MMP17: variants seen among roughly 807,000 people sequenced by gnomAD.
MMP17 encodes the protein matrix metallopeptidase 17.
Under a neutral mutation model 49.1 loss-of-function variants are expected in MMP17, and 54 were observed. The ratio of observed to expected loss-of-function variants is 1.10; its 90% confidence interval spans 0.88 to 1.38. The LOEUF is 1.38. MMP17 is among the 40% of genes most tolerant of loss of function. The pLI is 0.00. For missense variants in MMP17, 837 were observed against 853.7 expected, an observed-to-expected ratio of 0.98 and a Z score of 0.24; for synonymous variants, 397 against 383.1, an observed-to-expected ratio of 1.04 and a Z score of -0.42.
At chr12:131,847,236 C>T (rs924356727) in intron 8 of MMP17, among the ~76,000 whole-genome samples, 1 of 151,760 alleles carries the variant, frequency 6.6e-6, no homozygotes, top group Non-Finnish European at 1.5e-5. Flanking sequence ...CACGGTGAAA[C>T]CCCGTCTCTA....
intron 1 of MMP17, among the ~76,000 whole-genome samples, chr12:131,832,363 G>C (rs1375787600): frequency 1.6e-5 from 2 of 121,706 alleles, no homozygotes; most frequent in African/African-American, 6.2e-5. Context: ...GAAGGGGGAA[G>C]GCTGGAGAGG....
intron 8 of MMP17, among the ~76,000 whole-genome samples, chr12:131,847,394 C>A (rs1365224268): frequency 1.4e-5 from 2 of 138,470 alleles, no homozygotes; most frequent in Non-Finnish European, 3.0e-5. Context: ...GCCTGGGTGA[C>A]AGAGCGAGAC....
At position 131,849,996 on chromosome 12, in the gene MMP17, G is replaced by T. The variant is rs184269105; in HGVS notation, c.1399G>T (p.Ala467Ser). The change falls in exon 9 of 10, where the codon GCC becomes TCC. Residue 467 changes from alanine (A) to serine (S), a missense_variant. Transcript: ENST00000360564. ...GAGGCACATGGACCCCGGCTACCCCGCCCAGAGCCCCCTGTGGAGGGGTGT... is the reference window on the plus strand; with the variant it reads ...GAGGCACATGGACCCCGGCTACCCCTCCCAGAGCCCCCTGTGGAGGGGTGT... ...HTRHMDPGYP[A>S]QSPLWRGVPS... is the part of the protein sequence containing the mutation. 18 of 1,613,498 alleles carry T rather than the reference G, an allele frequency of 1.1e-5. No individual in the cohort carries two copies. The highest frequency in any genetic ancestry group is 1.5e-5 in the Non-Finnish European group (18 of 1,179,908).
At chr12:131,849,263 C>T (rs1887853731) in intron 8 of MMP17, among the ~76,000 whole-genome samples, 1 of 152,238 alleles carries the variant, frequency 6.6e-6, no homozygotes, top group Admixed American at 6.5e-5. Context: ...GCGGGCAAAT[C>T]ACCTGAGGTC....
chr12:131,831,150 C>A (rs1288607013), intron 1 of MMP17, among the ~76,000 whole-genome samples: 1 of 152,244 alleles, frequency 6.6e-6, no homozygotes, highest in African/African-American at 2.4e-5. Context: ...GGCCTGCAGC[C>A]TGCTTCTGGC....
intron 9 of MMP17, among the ~76,000 whole-genome samples, chr12:131,850,467 C>T (rs910763945): frequency 2.0e-5 from 3 of 152,234 alleles, no homozygotes; most frequent in Non-Finnish European, 4.4e-5. Context: ...AAGAAACCTC[C>T]CCACAGGGTC....
chr12:131,850,832 C>A, intron 9 of MMP17, 93 bp from the exon 10 acceptor site: 1 of 995,532 alleles, frequency 1.0e-6, no homozygotes. Context: ...CCGCTGCAGC[C>A]CTCCCTGAGC....
Position 131,849,833 on chromosome 12 carries a change from C to G in MMP17, c.1236C>G (p.Asn412Lys). Residue 412 changes from asparagine (N) to lysine (K), a missense_variant, in exon 9 of 10, where the codon AAC (asparagine) becomes AAG (lysine). Coordinates refer to ENST00000360564, the MANE Select transcript of MMP17 (RefSeq NM_016155.7). ...GGTACTGGGTGTTCAAGGACAATAA[C>G]GTAGAGGAAGGATACCCGCGCCCCG... is the stretch of plus-strand genomic sequence containing the variant. ...GDRYWVFKDN[N>K]VEEGYPRPVS... The G allele has an allele frequency of 6.2e-7, 1 of 1,613,850 alleles. No individual in the cohort carries two copies. Among genetic ancestry groups the G allele is most frequent in the Middle Eastern group, 1.7e-4 (1 of 6,060 alleles).
At position 131,840,623 on chromosome 12, in the gene MMP17, C is replaced by G; in HGVS notation, c.473C>G (p.Ala158Gly). Residue 158 changes from alanine to glycine, a missense_variant, in exon 4 of 10, where the codon GCA (alanine) becomes GGA (glycine). Coordinates refer to ENST00000360564, the MANE Select transcript of MMP17 (RefSeq NM_016155.7). The stretch of plus-strand genomic sequence containing the variant: ...CCACTGGGGCACGACACGGTGCGTG[C>G]ACTCATGTACTACGCCCTCAAGGTC... The part of the protein sequence containing the change: ...DSPLGHDTVR[A>G]LMYYALKVWS... 6.2e-7 allele frequency: 1 copy of G among 1,608,700 alleles called. No individual in the cohort carries two copies. Among genetic ancestry groups the G allele is most frequent in the South Asian group, 1.1e-5 (1 of 91,060 alleles).
In MMP17 at chr12:131,850,044, A is replaced by G. The variant is rs1374300029; in HGVS notation, c.1447A>G (p.Met483Val). 3.1e-6 allele frequency: 5 copies of G among 1,611,956 alleles called. No homozygotes were observed. The highest frequency in any genetic ancestry group is 4.2e-6 in the Non-Finnish European group (5 of 1,179,298). The change falls in exon 9 of 10, where the codon ATG becomes GTG. Residue 483 changes from methionine to valine, a missense_variant. Physicochemically the swap from Met to Val is conservative, Grantham distance 21. Coordinates refer to ENST00000360564, the MANE Select transcript of MMP17 (RefSeq NM_016155.7). The stretch of plus-strand genomic sequence containing the variant: ...TGTCCCCAGCACGCTGGACGACGCC[A>G]TGCGCTGGTCCGACGGTGAGTGCCA... Reference protein sequence around the residue: ...RGVPSTLDDAMRWSDGASYFF... With the variant: ...RGVPSTLDDAVRWSDGASYFF...
chr12:131,833,970 T>G (rs1886949117), intron 1 of MMP17, among the ~76,000 whole-genome samples: 1 of 152,250 alleles, frequency 6.6e-6, no homozygotes, highest in South Asian at 2.1e-4. Flanking sequence ...CATTACGCCC[T>G]CTTAAGGCTG....
intron 3 of MMP17, chr12:131,840,242 C>T: frequency 3.5e-6 from 1 of 283,918 alleles, no homozygotes; most frequent in Non-Finnish European, 6.7e-6. Flanking sequence ...CCGAGAGAGC[C>T]CCTTCAGTGG....
Position 131,830,777 on chromosome 12 carries a change from C to T in MMP17, c.159+2124C>T, listed in dbSNP as rs183900062. On this transcript the variant is annotated intron_variant, in intron 1 of 9. Coordinates refer to ENST00000360564, the MANE Select transcript of MMP17 (RefSeq NM_016155.7). ...GGGAGGGCCCGCCCCGGAGCGCCCC[C>T]CGTATGCACGTGAACAAGGCCGGGA... 3.8e-3 allele frequency among the ~76,000 whole-genome samples: 579 copies of T among 152,306 alleles called. 6 individuals are homozygous for T. The highest frequency in any genetic ancestry group is 0.017 in the Middle Eastern group (5 of 294).
chr12:131,845,626 C>T (rs1382599058), intron 8 of MMP17, among the ~76,000 whole-genome samples, 177 bp downstream of exon 8: 1 of 152,180 alleles, frequency 6.6e-6, no homozygotes, highest in Non-Finnish European at 1.5e-5. Flanking sequence ...TACTGTATGC[C>T]CCGTCCTGAG....
intron 6 of MMP17, 159 bp downstream of exon 6, chr12:131,844,240 A>G (rs1887576869): frequency 3.1e-6 from 2 of 646,168 alleles, no homozygotes; most frequent in African/African-American, 3.8e-5. Flanking sequence ...CTTAAACCCC[A>G]TCTAATACCG....
intron 1 of MMP17, among the ~76,000 whole-genome samples, chr12:131,835,607 G>A (rs1887046531): frequency 6.6e-6 from 1 of 152,214 alleles, no homozygotes; most frequent in Non-Finnish European, 1.5e-5. Flanking sequence ...AAGGCTGGGG[G>A]GTGAGTTGTC....
chr12:131,848,736 C>A (rs896145044), intron 8 of MMP17, among the ~76,000 whole-genome samples: 1 of 152,190 alleles, frequency 6.6e-6, no homozygotes, highest in Non-Finnish European at 1.5e-5. Context: ...CTCATACACG[C>A]GGTGGCACGT....
At position 131,828,626 on chromosome 12, in the gene MMP17, G is replaced by T; in HGVS notation, c.132G>T (p.Pro44=). 1.4e-6 allele frequency: 1 copy of T among 731,748 alleles called. No individual in the cohort carries two copies. Among genetic ancestry groups the T allele is most frequent in the East Asian group, 8.4e-5 (1 of 11,842 alleles). 45.3% of individuals were successfully genotyped at this position (731,748 alleles called of 1,614,324 possible). A position where few individuals can be genotyped will look rare whatever the true frequency, so the allele number is the denominator to read the frequency against. Reference sequence around the variant, plus strand: ...GCTGCGCCGCGCCCGCACCCGCGCCGCGCGCCGAGGACCTCAGCCTGGGAG... The same window carrying T: ...GCTGCGCCGCGCCCGCACCCGCGCCTCGCGCCGAGGACCTCAGCCTGGGAG... ...RGGCAAPAPA[P]RAEDLSLGVE... is the part of the protein sequence containing the mutation. The change falls in exon 1 of 10, where the codon CCG becomes CCT. Residue 44 remains proline, a synonymous_variant. Transcript: ENST00000360564.
chr12:131,841,107 G>A (rs1027586931), intron 4 of MMP17, among the ~76,000 whole-genome samples: 5 of 152,234 alleles, frequency 3.3e-5, no homozygotes, highest in African/African-American at 1.2e-4. Flanking sequence ...CACGTTCTCA[G>A]CACCTGACAG....
Sources: gnomAD v4.1 joint callset for allele counts (sites outside exome capture counted in the v4.1 genomes callset) on GRCh38, gnomAD v4.1.1 for gene constraint, MANE v1.5 for transcripts, NCBI Gene and HGNC (gene_info 2026-07-23, HGNC 2026-07-21) for gene names.